The following SBF2 variants were observed in gnomAD, a reference collection of about 807,000 sequenced individuals.
SBF2 encodes the protein myotubularin-related protein 13.
In SBF2, 112 loss-of-function variants were observed where a neutral mutation model predicts 225.2. The ratio of observed to expected loss-of-function variants is 0.50; its 90% CI spans 0.43 to 0.58. SBF2 has a LOEUF of 0.58. Among genes scored for constraint, SBF2 ranks in the 20% least tolerant of loss-of-function variants. The pLI, the probability that SBF2 is intolerant of heterozygous loss-of-function variation, is 0.00. For missense variants in SBF2, 1,996 were observed against 2,206.2 expected (o/e 0.90, Z 1.91); for synonymous variants, 763 against 773.3 (o/e 0.99, Z 0.22).
chr11:10,171,701 T>G (rs960413763), intron 2 of SBF2, among the ~76,000 whole-genome samples: 4 of 152,206 alleles, frequency 2.6e-5, no homozygotes, highest in African/African-American at 9.6e-5. Context: ...TGGAATAGTT[T>G]GAGTCGAAAT....
At chr11:10,176,924 T>C (rs1392042997) in intron 2 of SBF2, among the ~76,000 whole-genome samples, 2 of 152,308 alleles carry the variant, frequency 1.3e-5, no homozygotes, top group South Asian at 2.1e-4. Context: ...TTGGTGAACA[T>C]TGATGCAAAA....
intron 1 of SBF2, among the ~76,000 whole-genome samples, chr11:10,274,596 C>T (rs1485011554): frequency 1.3e-5 from 2 of 151,784 alleles, no homozygotes; most frequent in Admixed American, 1.3e-4. Context: ...ACTAATAATA[C>T]AAAAATGAGC....
At chr11:10,137,305 T>C (rs1954419374) in intron 2 of SBF2, among the ~76,000 whole-genome samples, 1 of 152,244 alleles carries the variant, frequency 6.6e-6, no homozygotes, top group Middle Eastern at 3.2e-3. Context: ...GTGTACTCTT[T>C]GGAATTGTCT....
intron 1 of SBF2, among the ~76,000 whole-genome samples, chr11:10,236,918 A>G (rs1959098805): frequency 6.6e-6 from 1 of 152,262 alleles, no homozygotes; most frequent in African/African-American, 2.4e-5. Flanking sequence ...GAGTCAAGAA[A>G]ACAGAAAATA....
chr11:10,252,988 C>T (rs1279635133), intron 1 of SBF2, among the ~76,000 whole-genome samples: 1 of 151,894 alleles, frequency 6.6e-6, no homozygotes, highest in Admixed American at 6.6e-5. Flanking sequence ...TGCTGTGATT[C>T]TGGGATCTGC....
chr11:10,033,492 A>G lies in SBF2; in HGVS notation c.280-2322T>C, dbSNP rs539423078. ...CAGTATTAAGTAAAAAATAATTTTAATTTATATCACTTTTTATTACGATGT... is the reference window on the plus strand; with the variant it reads ...CAGTATTAAGTAAAAAATAATTTTAGTTTATATCACTTTTTATTACGATGT... On this transcript the variant is annotated intron_variant, in intron 3 of 39. Transcript: ENST00000256190. Among the ~76,000 whole-genome samples the G allele has an allele frequency of 1.9e-3, 291 of 152,240 alleles. 1 individual carries two copies. The highest frequency in any genetic ancestry group is 6.8e-3 in the African/African-American group (282 of 41,554).
At chr11:10,003,371 T>A (rs1445493074) in intron 6 of SBF2, among the ~76,000 whole-genome samples, 1 of 124,542 alleles carries the variant, frequency 8.0e-6, no homozygotes, top group Non-Finnish European at 1.8e-5. Flanking sequence ...TTTTCTTTTT[T>A]CTTTTTTTTT....
rs780063404 is a variant in SBF2, at chr11:9,829,439, G to C, written c.3710C>G (p.Ala1237Gly). 2 of 1,613,568 alleles carry C rather than the reference G, an allele frequency of 1.2e-6. No individual in the cohort carries two copies. The highest frequency in any genetic ancestry group is 2.2e-5 in the East Asian group (1 of 44,862). The change falls in exon 28 of 40, where the codon GCC becomes GGC. Residue 1237 changes from alanine to glycine, a missense_variant. Physicochemically the swap from Ala to Gly is moderately conservative, Grantham distance 60. Coordinates refer to ENST00000256190, the MANE Select transcript of SBF2 (RefSeq NM_030962.4). ...SSIEQEKYLQ[A>G]LLNAVSVHQK... ...ATGGACAGAAACAGCATTCAGTAAG[G>C]CTTGCAAGTATTTCTCTTGTTCTAT...
chr11:9,959,456 G>A lies in SBF2; in HGVS notation c.1860+2501C>T, dbSNP rs116509955. 1.2e-3 allele frequency: 1,235 copies of A among 1,040,822 alleles called. 11 individuals are homozygous for A. The African/African-American group carries it at 0.016, about 14-fold the overall frequency. The allele number at this position is 1,040,822 out of a possible 1,614,324, so 64.5% of individuals were successfully genotyped here. On this transcript the variant is annotated intron_variant, in intron 16 of 39. Transcript: ENST00000256190. ...TGGTTGCTCACCATGTCCCTTATCCGTTTACAGGTGTGCCTCAAATTGGTC... is the reference window on the plus strand; with the variant it reads ...TGGTTGCTCACCATGTCCCTTATCCATTTACAGGTGTGCCTCAAATTGGTC...
At chr11:10,054,628 T>C (rs945310638) in intron 2 of SBF2, among the ~76,000 whole-genome samples, 3 of 152,104 alleles carry the variant, frequency 2.0e-5, no homozygotes, top group African/African-American at 7.2e-5. Flanking sequence ...AGACAACTTA[T>C]AGAATGGGAG....
chr11:10,138,869 T>C (rs79026587), intron 2 of SBF2, among the ~76,000 whole-genome samples: 1,681 of 152,300 alleles, frequency 0.011, 37 homozygotes, highest in African/African-American at 0.038. Flanking sequence ...TTGGTGTATT[T>C]ACCATGAACA....
At chr11:9,884,781 T>C (rs1308910174) in intron 17 of SBF2, among the ~76,000 whole-genome samples, 1 of 152,238 alleles carries the variant, frequency 6.6e-6, no homozygotes, top group African/African-American at 2.4e-5. Context: ...ATGTGTTTTC[T>C]GGGCTAAATT....
chr11:10,261,248 G>C (rs1475330908), intron 1 of SBF2, among the ~76,000 whole-genome samples: 1 of 152,152 alleles, frequency 6.6e-6, no homozygotes, highest in East Asian at 1.9e-4. Context: ...TGTCACCCAG[G>C]CTGGAGTGCA....
At position 10,045,895 on chromosome 11, in the gene SBF2, T is replaced by TA. The variant is rs1437765882; in HGVS notation, c.142-2915dup. On this transcript the variant is annotated intron_variant, in intron 2 of 39. Coordinates refer to ENST00000256190, the MANE Select transcript of SBF2 (RefSeq NM_030962.4). ...TCTTTTAAACATTTAAGGAAGAAGT[T>TA]ACAGTCAGCCCTCTGTATCTGTGGG... Among the ~76,000 whole-genome samples the TA allele has an allele frequency of 2.0e-5, 3 of 152,144 alleles. No individual in the cohort carries two copies. The East Asian group carries it at 5.8e-4, about 29-fold the overall frequency.
chr11:9,971,060 C>T (rs1867295050), intron 13 of SBF2, among the ~76,000 whole-genome samples: 1 of 152,090 alleles, frequency 6.6e-6, no homozygotes, highest in Non-Finnish European at 1.5e-5. Context: ...TAATAAATAT[C>T]AATTCTCTAA....
At chr11:10,003,769 AT>A (rs916937071) in intron 6 of SBF2, among the ~76,000 whole-genome samples, 1 of 150,840 alleles carries the variant, frequency 6.6e-6, no homozygotes, top group Non-Finnish European at 1.5e-5. Context: ...CTCTTTTTCT[AT>A]TTTTTTAGTG....
chr11:9,895,117 C>T (rs1023158719), intron 17 of SBF2, among the ~76,000 whole-genome samples: 3 of 152,194 alleles, frequency 2.0e-5, no homozygotes, highest in South Asian at 2.1e-4. Flanking sequence ...CAACAACAAA[C>T]CATGCCAACC....
At chr11:10,086,214 C>G (rs557177585) in intron 2 of SBF2, among the ~76,000 whole-genome samples, 1 of 151,982 alleles carries the variant, frequency 6.6e-6, no homozygotes, top group African/African-American at 2.4e-5. Flanking sequence ...TGAACTCGGC[C>G]CTGCCTTTTT....
chr11:10,173,284 C>T (rs1956291723), intron 2 of SBF2, among the ~76,000 whole-genome samples: 1 of 152,140 alleles, frequency 6.6e-6, no homozygotes, highest in Non-Finnish European at 1.5e-5. Context: ...AGACAGTGGG[C>T]ACAGGTCAGT....
Sources: gnomAD v4.1 joint callset for allele counts (sites outside exome capture counted in the v4.1 genomes callset) on GRCh38, gnomAD v4.1.1 for gene constraint, MANE v1.5 for transcripts, NCBI Gene and HGNC (gene_info 2026-07-23, HGNC 2026-07-21) for gene names.